The following SORCS3 variants were observed in gnomAD, a reference collection of about 807,000 sequenced individuals.
The protein encoded by SORCS3 is sortilin related VPS10 domain containing receptor 3.
SORCS3 carries 57 observed loss-of-function variants against 146.3 expected under a neutral mutation model. The ratio of observed to expected loss-of-function variants is 0.39; its 90% CI spans 0.31 to 0.49. The LOEUF (loss-of-function observed/expected upper bound fraction) is 0.49, where lower values mean the gene tolerates loss of function less well. Ranked by LOEUF, SORCS3 falls within the 20% of genes least tolerant of loss-of-function variation. The pLI is 0.92. For missense variants in SORCS3, 1,341 were observed against 1,575.5 expected (o/e 0.85, Z 2.52); for synonymous variants, 653 against 618.5 (o/e 1.06, Z -0.83).
At chr10:105,199,415 G>C (rs1039426983) in intron 14 of SORCS3, among the ~76,000 whole-genome samples, 1 of 152,080 alleles carries the variant, frequency 6.6e-6, no homozygotes, top group East Asian at 1.9e-4. Context: ...GGAAGGAGGA[G>C]GGAGGGTAGG....
intron 7 of SORCS3, among the ~76,000 whole-genome samples, chr10:105,117,885 C>T (rs2055904194): frequency 6.6e-6 from 1 of 152,190 alleles, no homozygotes; most frequent in Non-Finnish European, 1.5e-5. Flanking sequence ...CTTGACTGCT[C>T]CTTCTTTCTT....
At chr10:104,940,238 A>ATATATATATATATTTTTT (rs1435205868) in intron 3 of SORCS3, among the ~76,000 whole-genome samples, 4 of 31,518 alleles carry the variant, frequency 1.3e-4, no homozygotes, top group South Asian at 2.0e-3. Flanking sequence ...ATATATATAT[A>ATATATATATATATTTTTT]TTTTTTTTTT....
At position 104,669,772 on chromosome 10, in the gene SORCS3, T is replaced by C. The variant is rs61861251; in HGVS notation, c.627+27818T>C. On this transcript the variant is annotated intron_variant, in intron 1 of 26. Coordinates refer to ENST00000369701, the MANE Select transcript of SORCS3 (RefSeq NM_014978.3). Reference sequence around the variant, plus strand: ...TTGGGGAAATGCCCATAAGTGGAATTGCTATATTATATTGTAGTTCTACGT... The same window carrying C: ...TTGGGGAAATGCCCATAAGTGGAATCGCTATATTATATTGTAGTTCTACGT... 2.6e-3 allele frequency among the ~76,000 whole-genome samples: 397 copies of C among 152,298 alleles called. 1 individual carries two copies. The highest frequency in any genetic ancestry group is 4.1e-3 in the Admixed American group (62 of 15,292).
chr10:104,850,489 C>T (rs59447605), intron 2 of SORCS3, among the ~76,000 whole-genome samples: 203 of 152,224 alleles, frequency 1.3e-3, no homozygotes, highest in African/African-American at 4.7e-3. Context: ...GGGACTGAGG[C>T]GGGAGGATCT....
At chr10:105,068,616 TA>T (rs1564746608) in intron 5 of SORCS3, among the ~76,000 whole-genome samples, 1 of 152,032 alleles carries the variant, frequency 6.6e-6, no homozygotes, top group African/African-American at 2.4e-5. Flanking sequence ...GAGAATTATT[TA>T]AAAAAAATTA....
intron 9 of SORCS3, among the ~76,000 whole-genome samples, chr10:105,154,321 A>T (rs1371314657): frequency 6.6e-6 from 1 of 152,166 alleles, no homozygotes; most frequent in Admixed American, 6.5e-5. Flanking sequence ...CCCAAGGCAG[A>T]TCATGGTAAT....
intron 2 of SORCS3, among the ~76,000 whole-genome samples, chr10:104,880,261 T>G (rs2018617708): frequency 6.6e-6 from 1 of 152,174 alleles, no homozygotes; most frequent in African/African-American, 2.4e-5. Flanking sequence ...TAAAAGCCAT[T>G]GTTACCATCT....
chr10:105,024,724 G>C (rs2055216322), intron 4 of SORCS3, among the ~76,000 whole-genome samples: 1 of 152,176 alleles, frequency 6.6e-6, no homozygotes, highest in South Asian at 2.1e-4. Flanking sequence ...CCAAAATGGA[G>C]ACAGCAAAGC....
At chr10:104,766,069 ACTT>A (rs1193949382) in intron 1 of SORCS3, among the ~76,000 whole-genome samples, 1 of 152,186 alleles carries the variant, frequency 6.6e-6, no homozygotes, top group Non-Finnish European at 1.5e-5. Flanking sequence ...TTGAAACAAT[ACTT>A]CTTCTTGACT....
At chr10:104,676,777 CT>C (rs995491850) in intron 1 of SORCS3, among the ~76,000 whole-genome samples, 4 of 151,608 alleles carry the variant, frequency 2.6e-5, no homozygotes, top group South Asian at 2.1e-4. Context: ...TCTTCCATCT[CT>C]TTTTTTTTCT....
At chr10:104,896,787 C>G (rs577369633) in intron 2 of SORCS3, among the ~76,000 whole-genome samples, 1 of 152,154 alleles carries the variant, frequency 6.6e-6, no homozygotes, top group Non-Finnish European at 1.5e-5. Flanking sequence ...TTGACTGGCA[C>G]GCAACTGTAC....
intron 4 of SORCS3, among the ~76,000 whole-genome samples, chr10:105,000,055 CTGAA>C (rs10558991): frequency 0.25 from 37,072 of 150,586 alleles, 6,505 homozygotes; most frequent in African/African-American, 0.5. Flanking sequence ...CATTCACCTG[CTGAA>C]TGAATGAATG....
At chr10:105,168,751 T>G (rs2056335646) in intron 13 of SORCS3, among the ~76,000 whole-genome samples, 1 of 152,136 alleles carries the variant, frequency 6.6e-6, no homozygotes, top group African/African-American at 2.4e-5. Context: ...GAAATCGCCA[T>G]TTTTAGGTCA....
At chr10:104,906,925 G>A (rs1277528528) in intron 2 of SORCS3, among the ~76,000 whole-genome samples, 1 of 152,136 alleles carries the variant, frequency 6.6e-6, no homozygotes, top group Non-Finnish European at 1.5e-5. Flanking sequence ...CTACCCAGTG[G>A]TAACTTCTAT....
intron 2 of SORCS3, among the ~76,000 whole-genome samples, chr10:104,891,358 G>C (rs1164271219): frequency 6.6e-6 from 1 of 152,134 alleles, no homozygotes; most frequent in Admixed American, 6.5e-5. Context: ...TAGGGAGTCC[G>C]CTCTGTATAT....
chr10:105,048,760 A>G (rs1473357340), intron 5 of SORCS3, among the ~76,000 whole-genome samples: 1 of 152,042 alleles, frequency 6.6e-6, no homozygotes, highest in Non-Finnish European at 1.5e-5. Flanking sequence ...TTTCCTTTCC[A>G]ATCTTTCATG....
chr10:105,214,418 C>T, intron 17 of SORCS3, 24 bp from the exon 18 acceptor site: 1 of 1,613,076 alleles, frequency 6.2e-7, no homozygotes, highest in Non-Finnish European at 8.5e-7. Context: ...ACACAAACCA[C>T]TATCAATTGT....
At chr10:104,932,624 G>A (rs2019218782) in intron 3 of SORCS3, among the ~76,000 whole-genome samples, 1 of 152,208 alleles carries the variant, frequency 6.6e-6, no homozygotes, top group South Asian at 2.1e-4. Flanking sequence ...CTCAGCTTAT[G>A]TGTTCAGCCT....
intron 1 of SORCS3, among the ~76,000 whole-genome samples, chr10:104,791,230 A>G (rs2017492342): frequency 6.6e-6 from 1 of 152,214 alleles, no homozygotes; most frequent in East Asian, 1.9e-4. Flanking sequence ...ATGGGAGGCT[A>G]GATCTTGGGG....
Sources: allele counts gnomAD v4.1 joint callset (sites outside exome capture counted in the v4.1 genomes callset), GRCh38; gene constraint gnomAD v4.1.1; transcripts MANE v1.5; gene names NCBI Gene and HGNC (gene_info 2026-07-23, HGNC 2026-07-21).